PATJ: variants seen among roughly 807,000 people sequenced by gnomAD.
PATJ encodes the protein inaD-like protein.
PATJ carries 190 observed loss-of-function variants against 224.9 expected under a neutral mutation model. The observed-to-expected ratio is 0.84, with a 90% CI of 0.75 to 0.95. PATJ has a LOEUF of 0.95. PATJ is among the 40% of genes least tolerant of loss of function. The pLI is 0.00. For synonymous variants in PATJ, 769 were observed against 820.3 expected (o/e 0.94, Z 1.07); for missense variants, 2,121 against 2,270.3 (o/e 0.93, Z 1.34).
intron 34 of PATJ, among the ~76,000 whole-genome samples, chr1:62,111,957 G>A (rs977082122): frequency 1.3e-5 from 2 of 151,366 alleles, no homozygotes; most frequent in African/African-American, 4.9e-5. Flanking sequence ...ACCGCGCCCA[G>A]CCCAAAACCC....
intron 28 of PATJ, among the ~76,000 whole-genome samples, chr1:62,011,805 G>A (rs1646468009): frequency 6.6e-6 from 1 of 151,826 alleles, no homozygotes; most frequent in South Asian, 2.1e-4. Context: ...GGTGCAATTT[G>A]TTTGCATGAA....
At chr1:61,762,789 A>AT (rs968409479) in intron 1 of PATJ, 69 bp from the exon 2 acceptor site, 1 of 673,714 alleles carries the variant, frequency 1.5e-6, no homozygotes, top group African/African-American at 1.9e-5. Context: ...GTTTTCCTTA[A>AT]TTTTTCTACA....
chr1:62,130,869 CCATTA>C (rs996022209), intron 41 of PATJ, among the ~76,000 whole-genome samples: 1 of 151,956 alleles, frequency 6.6e-6, no homozygotes, highest in African/African-American at 2.4e-5. Context: ...AAAAGAAAAA[CCATTA>C]CATTTGGGAG....
chr1:62,045,673 C>T (rs1289692597), intron 30 of PATJ, among the ~76,000 whole-genome samples: 1 of 152,122 alleles, frequency 6.6e-6, no homozygotes, highest in African/African-American at 2.4e-5. Flanking sequence ...CAGCAAGAGA[C>T]GACAGGAACA....
chr1:61,828,072 C>G (rs1469128361), intron 16 of PATJ, among the ~76,000 whole-genome samples: 1 of 151,952 alleles, frequency 6.6e-6, no homozygotes, highest in Non-Finnish European at 1.5e-5. Context: ...CATGGAGAAA[C>G]CCTGTCTCAA....
intron 34 of PATJ, among the ~76,000 whole-genome samples, chr1:62,110,410 C>G (rs975651570): frequency 2.6e-5 from 4 of 152,198 alleles, no homozygotes; most frequent in Non-Finnish European, 5.9e-5. Flanking sequence ...AACACTACAT[C>G]AGCACTTTCC....
intron 27 of PATJ, among the ~76,000 whole-genome samples, chr1:61,939,718 A>G (rs369283066): frequency 1.9e-5 from 2 of 105,726 alleles, no homozygotes; most frequent in East Asian, 6.8e-4. Flanking sequence ...GTTGTCGCCC[A>G]TGCTGGACTG....
intron 33 of PATJ, among the ~76,000 whole-genome samples, chr1:62,099,535 T>G (rs1321373856): frequency 2.6e-5 from 4 of 152,000 alleles, no homozygotes; most frequent in Admixed American, 2.6e-4. Context: ...TAGGATTTTT[T>G]TTGTATGTGT....
intron 28 of PATJ, 146 bp from the exon 29 acceptor site, chr1:62,017,710 C>T (rs1298873177): frequency 2.6e-5 from 11 of 426,662 alleles, no homozygotes; most frequent in Admixed American, 2.5e-4. Flanking sequence ...CCAGCCTGGG[C>T]GACAGAGTGA....
chr1:62,042,921 A>G (rs546094324), intron 30 of PATJ, among the ~76,000 whole-genome samples: 1 of 152,352 alleles, frequency 6.6e-6, no homozygotes, highest in African/African-American at 2.4e-5. Context: ...TGCTGGGATT[A>G]CAGGTGTGAG....
intron 1 of PATJ, among the ~76,000 whole-genome samples, chr1:61,761,463 A>T (rs1322091241): frequency 6.6e-6 from 1 of 152,172 alleles, no homozygotes; most frequent in Non-Finnish European, 1.5e-5. Context: ...AGAGAAAAAC[A>T]TGTAAACTTG....
intron 29 of PATJ, among the ~76,000 whole-genome samples, chr1:62,034,907 A>G (rs1300125372): frequency 6.6e-6 from 1 of 152,210 alleles, no homozygotes; most frequent in Non-Finnish European, 1.5e-5. Context: ...GAATTCATGT[A>G]CAGCCATATT....
At chr1:61,761,601 G>C (rs1399323208) in intron 1 of PATJ, among the ~76,000 whole-genome samples, 4 of 152,110 alleles carry the variant, frequency 2.6e-5, no homozygotes, top group Admixed American at 2.6e-4. Context: ...TGATAGGACA[G>C]AAAGGGATAT....
chr1:62,044,902 T>C (rs1652234756), intron 30 of PATJ, among the ~76,000 whole-genome samples: 1 of 152,134 alleles, frequency 6.6e-6, no homozygotes, highest in Non-Finnish European at 1.5e-5. Context: ...GTGTGTTTTC[T>C]AAAAGAACAT....
chr1:62,119,017 A>G lies in PATJ; in HGVS notation c.4890+1799A>G, dbSNP rs891592721. On this transcript the variant is annotated intron_variant, in intron 37 of 43. Transcript: ENST00000642238. ...TCATTAAATATCAAAAAAAAAAAAA[A>G]CCTATCGTCTCCACTTACCTGGTAT... 9.0e-4 allele frequency among the ~76,000 whole-genome samples: 133 copies of G among 147,434 alleles called. 1 individual carries two copies. Among genetic ancestry groups the G allele is most frequent in the Non-Finnish European group, 1.3e-4 (9 of 67,482 alleles).
intron 27 of PATJ, among the ~76,000 whole-genome samples, chr1:61,971,782 C>G (rs1683009412): frequency 6.6e-6 from 1 of 151,772 alleles, no homozygotes; most frequent in Admixed American, 6.6e-5. Context: ...TTGCATGATC[C>G]CAGGAGTTTG....
intron 20 of PATJ, among the ~76,000 whole-genome samples, chr1:61,868,828 T>C (rs1053505189): frequency 6.6e-6 from 1 of 152,126 alleles, no homozygotes; most frequent in Non-Finnish European, 1.5e-5. Flanking sequence ...TATAGATATA[T>C]GTCTCGGAGA....
At chr1:61,747,652 G>A (rs1234527261) in intron 1 of PATJ, among the ~76,000 whole-genome samples, 1 of 152,118 alleles carries the variant, frequency 6.6e-6, no homozygotes, top group Non-Finnish European at 1.5e-5. Flanking sequence ...TACTCAGATA[G>A]TTACTTTAAG....
rs1284823391 is a variant in PATJ at position 62,153,317 on chromosome 1, A to AT, written c.5379-40dup. On this transcript the variant is annotated intron_variant, in intron 42 of 43. Transcript: ENST00000642238. Reference sequence around the variant, plus strand: ...TCCAATTAAATGAAATTCCCTCTCAATATCTATTCTCGAATTAAACAGCAT... The same window carrying AT: ...TCCAATTAAATGAAATTCCCTCTCAATTATCTATTCTCGAATTAAACAGCAT... The AT allele has an allele frequency of 4.0e-5, 49 of 1,215,772 alleles. No individual in the cohort carries two copies. The African/African-American group carries it at 6.9e-4, about 17-fold the overall frequency. 75.3% of individuals were successfully genotyped at this position (1,215,772 alleles called of 1,614,324 possible). A position where few individuals can be genotyped will look rare whatever the true frequency, so the allele number is the denominator to read the frequency against.
Sources: allele counts gnomAD v4.1 joint callset (sites outside exome capture counted in the v4.1 genomes callset), GRCh38; gene constraint gnomAD v4.1.1; transcripts MANE v1.5; gene names NCBI Gene and HGNC (gene_info 2026-07-23, HGNC 2026-07-21).